The following AGO2 variants were observed in gnomAD, a reference collection of about 807,000 sequenced individuals.
AGO2 encodes protein argonaute-2.
In AGO2, 5 loss-of-function variants were observed where a neutral mutation model predicts 102.3. That is an observed-to-expected ratio of 0.05 (90% confidence interval 0.03 to 0.10). The LOEUF (loss-of-function observed/expected upper bound fraction) is 0.10. Ranked by LOEUF, AGO2 falls within the 10% of genes least tolerant of loss-of-function variation. AGO2 has a pLI of 1.00. For synonymous variants in AGO2, 449 were observed against 473.1 expected (o/e 0.95, Z 0.66); for missense variants, 541 against 1,183.7 (o/e 0.46, Z 7.97).
intron 16 of AGO2, among the ~76,000 whole-genome samples, chr8:140,537,836 T>C (rs1461917354): frequency 1.3e-5 from 2 of 152,240 alleles, no homozygotes; most frequent in African/African-American, 2.4e-5. Context: ...GTTTTTCTTT[T>C]TTGAGATAGT....
intron 16 of AGO2, among the ~76,000 whole-genome samples, chr8:140,538,646 C>T (rs556735543): frequency 2.6e-5 from 4 of 152,294 alleles, no homozygotes; most frequent in Admixed American, 1.3e-4. Context: ...AGGGACCTGC[C>T]GGGAGGGTCC....
At chr8:140,595,143 C>T (rs991071989) in intron 1 of AGO2, among the ~76,000 whole-genome samples, 5 of 152,134 alleles carry the variant, frequency 3.3e-5, no homozygotes, top group Non-Finnish European at 5.9e-5. Context: ...CGTCTACACA[C>T]GAAAAGACTG....
chr8:140,635,875 G>T (rs548775560), upstream of AGO2, among the ~76,000 whole-genome samples: 1 of 146,236 alleles, frequency 6.8e-6, no homozygotes, highest in South Asian at 2.1e-4. Context: ...CGGGCGGTGG[G>T]AACCGCGGGC....
At chr8:140,538,053 C>T (rs760087184) in intron 16 of AGO2, among the ~76,000 whole-genome samples, 9 of 151,796 alleles carry the variant, frequency 5.9e-5, no homozygotes, top group Non-Finnish European at 1.0e-4. Context: ...CTCCTGACCT[C>T]AGGTGACCCA....
chr8:140,584,206 C>A (rs951703268), intron 2 of AGO2, among the ~76,000 whole-genome samples: 1 of 149,940 alleles, frequency 6.7e-6, no homozygotes, highest in African/African-American at 2.5e-5. Context: ...ATCACTTAAT[C>A]GATGAAAATA....
rs1464402442 is a variant in AGO2, at chr8:140,557,337, C to G, written c.879-101G>C. The G allele has an allele frequency of 7.1e-7, 1 of 1,416,238 alleles. No individual in the cohort carries two copies. Among genetic ancestry groups the G allele is most frequent in the East Asian group, 2.4e-5 (1 of 41,612 alleles). The allele number at this position is 1,416,238 out of a possible 1,614,324, so 87.7% of individuals were successfully genotyped here. A position where few individuals can be genotyped will look rare whatever the true frequency, so the allele number is the denominator to read the frequency against. ...GCTTTTTAGGGTGACGTGTGAGGAGCAAACATTCAGAGCACTTCCGGGAGT... is the reference window on the plus strand; with the variant it reads ...GCTTTTTAGGGTGACGTGTGAGGAGGAAACATTCAGAGCACTTCCGGGAGT... On this transcript the variant is annotated intron_variant, in intron 7 of 18. Transcript: ENST00000220592. The surrounding 1 kb of genome is among the most constrained non-coding windows in gnomAD (Gnocchi z 5.9).
At chr8:140,605,462 GATA>G (rs1159466995) in intron 1 of AGO2, among the ~76,000 whole-genome samples, 1 of 152,220 alleles carries the variant, frequency 6.6e-6, no homozygotes, top group East Asian at 1.9e-4. Context: ...AGTGAAATGG[GATA>G]ACCCAGCCTG....
At chr8:140,585,065 CGT>C in intron 2 of AGO2, 52 bp downstream of exon 2, 1 of 1,502,250 alleles carries the variant, frequency 6.7e-7, no homozygotes, top group Non-Finnish European at 9.0e-7. Flanking sequence ...GTTTAAATGC[CGT>C]GTCTGTCCGC....
chr8:140,533,650 T>A (rs1231239494), intron 17 of AGO2, among the ~76,000 whole-genome samples: 1 of 151,458 alleles, frequency 6.6e-6, no homozygotes, highest in Non-Finnish European at 1.5e-5. Context: ...CTACTAAAAG[T>A]ACAAAAATTA....
At chr8:140,541,091 C>T (rs1588439780) in intron 15 of AGO2, 73 bp downstream of exon 15, 15 of 1,411,672 alleles carry the variant, frequency 1.1e-5, no homozygotes, top group South Asian at 4.3e-5. Context: ...ATTCATCGAG[C>T]GTGGTTCTGC....
intron 3 of AGO2, among the ~76,000 whole-genome samples, chr8:140,571,746 A>G (rs1312792442): frequency 6.6e-6 from 1 of 152,092 alleles, no homozygotes; most frequent in Non-Finnish European, 1.5e-5. Flanking sequence ...ATGTGTAAAG[A>G]TTATTTTTTA....
At chr8:140,605,459 T>C (rs537944427) in intron 1 of AGO2, among the ~76,000 whole-genome samples, 112 of 152,262 alleles carry the variant, frequency 7.4e-4, no homozygotes, top group African/African-American at 2.6e-3. Context: ...CAAAGTGAAA[T>C]GGGATAACCC....
chr8:140,586,780 G>A (rs1356450632), intron 1 of AGO2, among the ~76,000 whole-genome samples: 1 of 152,158 alleles, frequency 6.6e-6, no homozygotes, highest in Admixed American at 6.5e-5. Context: ...CTGTTCTCAG[G>A]TGGCTCCAAC....
At chr8:140,561,010 C>T (rs1009667223) in intron 4 of AGO2, among the ~76,000 whole-genome samples, 11 of 152,242 alleles carry the variant, frequency 7.2e-5, no homozygotes, top group East Asian at 3.8e-4. Context: ...CTCCTTTAGC[C>T]GTGGGCTCCC....
intron 11 of AGO2, among the ~76,000 whole-genome samples, chr8:140,550,108 C>T (rs2072970930): frequency 6.6e-6 from 1 of 152,188 alleles, no homozygotes; most frequent in African/African-American, 2.4e-5. Flanking sequence ...CAGAACTAAC[C>T]TACTTCAGCT....
At chr8:140,543,245 G>A (rs1054915453) in intron 14 of AGO2, among the ~76,000 whole-genome samples, 2 of 152,252 alleles carry the variant, frequency 1.3e-5, no homozygotes, top group East Asian at 1.9e-4. Context: ...CGGTATATGC[G>A]TGGGAGTGGT....
rs1217938702 is a variant in AGO2, at chr8:140,559,304, A to G, written c.790+91T>C. 1.8e-5 allele frequency: 27 copies of G among 1,520,746 alleles called. No individual in the cohort carries two copies. The Admixed American group carries it at 3.1e-4, about 17-fold the overall frequency. 94.2% of individuals were successfully genotyped at this position (1,520,746 alleles called of 1,614,324 possible). On this transcript the variant is annotated intron_variant, in intron 6 of 18. Transcript: ENST00000220592. ...GCCACCCCCACCTCCCCAAATGCGC[A>G]CAAGAACCAGAACTGCAAAATGCGG... is the stretch of plus-strand genomic sequence containing the variant.
At chr8:140,541,396 A>G in intron 14 of AGO2, 38 bp from the exon 15 acceptor site, 1 of 1,530,968 alleles carries the variant, frequency 6.5e-7, no homozygotes, top group South Asian at 1.2e-5. Context: ...AGGGGTTCCC[A>G]AAACTTTCCT....
At chr8:140,606,401 A>AT (rs1047036003) in intron 1 of AGO2, among the ~76,000 whole-genome samples, 2 of 152,180 alleles carry the variant, frequency 1.3e-5, no homozygotes, top group Admixed American at 6.5e-5. Flanking sequence ...TAACAAATCC[A>AT]TTTTTTTCCT....
Sources: allele counts gnomAD v4.1 joint callset (sites outside exome capture counted in the v4.1 genomes callset), GRCh38; gene constraint gnomAD v4.1.1; non-coding constraint Gnocchi (gnomAD v3.1); transcripts MANE v1.5; gene names NCBI Gene and HGNC (gene_info 2026-07-23, HGNC 2026-07-21).